NRXN1: variants seen among roughly 807,000 people sequenced by gnomAD.
The protein encoded by NRXN1 is neurexin-1.
A neutral mutation model predicts 150.9 loss-of-function variants in NRXN1; 39 were observed. That is an observed-to-expected ratio of 0.26 (90% confidence interval 0.20 to 0.34). NRXN1 has a LOEUF of 0.34. Among genes scored for constraint, NRXN1 ranks in the 10% least tolerant of loss-of-function variants. NRXN1 has a pLI of 1.00. For missense variants in NRXN1, 1,815 were observed against 1,949.9 expected (o/e 0.93, Z 1.30); for synonymous variants, 924 against 757.0 (o/e 1.22, Z -3.62).
At position 50,620,009 on chromosome 2, in the gene NRXN1, C is replaced by A. The variant is rs774404979; in HGVS notation, c.1320+13G>T. 1 of 1,556,124 alleles carries A rather than the reference C, an allele frequency of 6.4e-7. No individual in the cohort carries two copies. Among genetic ancestry groups the A allele is most frequent in the Non-Finnish European group, 8.7e-7 (1 of 1,148,484 alleles). On this transcript the variant is annotated intron_variant, in intron 8 of 22. Coordinates refer to ENST00000401669, the MANE Select transcript of NRXN1 (RefSeq NM_001330078.2). ...CATGAATTAGGAATGATTCTGATGG[C>A]AACGATATTTACCTCTTTGAGACAG...
At chr2:50,068,050 A>T (rs1353997403) in intron 19 of NRXN1, among the ~76,000 whole-genome samples, 1 of 152,206 alleles carries the variant, frequency 6.6e-6, no homozygotes, top group African/African-American at 2.4e-5. Flanking sequence ...TGTGGCCTAT[A>T]AATGGAACTG....
chr2:50,305,283 C>T lies in NRXN1; in HGVS notation c.3365-68313G>A, dbSNP rs746707001. ...ACTTTTATTTATATAATATTATCCC[C>T]GTAAGGTTTAACCAAGAAGATAAAG... On this transcript the variant is annotated intron_variant, in intron 17 of 22. Transcript: ENST00000401669. Among the ~76,000 whole-genome samples, 19 of 152,044 alleles carry T rather than the reference C, an allele frequency of 1.2e-4. 1 individual carries two copies. The highest frequency in any genetic ancestry group is 4.6e-4 in the Admixed American group (7 of 15,274).
intron 17 of NRXN1, among the ~76,000 whole-genome samples, chr2:50,310,669 G>T (rs1327790326): frequency 6.6e-6 from 1 of 152,080 alleles, no homozygotes; most frequent in African/African-American, 2.4e-5. Flanking sequence ...TGTTATTGGA[G>T]AACATTTAGT....
intron 5 of NRXN1, among the ~76,000 whole-genome samples, chr2:50,679,610 C>G (rs1690068497): frequency 6.6e-6 from 1 of 151,910 alleles, no homozygotes; most frequent in Non-Finnish European, 1.5e-5. Flanking sequence ...CAGTAAGACC[C>G]TGCAAAATAA....
intron 5 of NRXN1, among the ~76,000 whole-genome samples, chr2:50,783,783 T>C (rs1704683028): frequency 3.3e-5 from 5 of 152,248 alleles, no homozygotes; most frequent in Middle Eastern, 3.4e-3. Context: ...TCTGAACCAC[T>C]GGTCCCCCAA....
intron 17 of NRXN1, among the ~76,000 whole-genome samples, chr2:50,401,434 C>A (rs1423575661): frequency 6.6e-6 from 1 of 152,064 alleles, no homozygotes; most frequent in African/African-American, 2.4e-5. Flanking sequence ...GGTTTGATAA[C>A]TGGGGACTTG....
intron 17 of NRXN1, among the ~76,000 whole-genome samples, chr2:50,270,605 T>C (rs1455011374): frequency 6.6e-6 from 1 of 152,128 alleles, no homozygotes; most frequent in Admixed American, 6.6e-5. Context: ...ACACACAGTT[T>C]ATCGACACCG....
chr2:50,087,305 T>A (rs1698924357), intron 19 of NRXN1, among the ~76,000 whole-genome samples: 3 of 152,154 alleles, frequency 2.0e-5, no homozygotes, highest in African/African-American at 7.2e-5. Flanking sequence ...AAATATTTGT[T>A]GATTTAATAT....
intron 21 of NRXN1, among the ~76,000 whole-genome samples, chr2:50,017,431 C>T (rs1686832308): frequency 6.6e-6 from 1 of 152,000 alleles, no homozygotes. Flanking sequence ...ATAAAAGCTA[C>T]AACAAAATAA....
At chr2:50,281,032 C>T (rs1476890111) in intron 17 of NRXN1, among the ~76,000 whole-genome samples, 1 of 151,428 alleles carries the variant, frequency 6.6e-6, no homozygotes, top group Non-Finnish European at 1.5e-5. Flanking sequence ...AGGCCGGGCG[C>T]GGTGGCTCAT....
chr2:50,800,920 T>C (rs927083030), intron 5 of NRXN1, among the ~76,000 whole-genome samples: 10 of 152,332 alleles, frequency 6.6e-5, no homozygotes, highest in Admixed American at 1.3e-4. Flanking sequence ...TATTTTTTAA[T>C]TCTTAAATTG....
chr2:50,904,925 G>A (rs934101341), intron 5 of NRXN1, among the ~76,000 whole-genome samples: 1 of 151,996 alleles, frequency 6.6e-6, no homozygotes, highest in South Asian at 2.1e-4. Context: ...TCTTCAAGTC[G>A]CCTTCAGTTC....
chr2:50,534,096 A>G (rs2093190549), intron 10 of NRXN1, among the ~76,000 whole-genome samples: 1 of 132,760 alleles, frequency 7.5e-6, no homozygotes, highest in Non-Finnish European at 1.5e-5. Context: ...TGAATCAATA[A>G]TTGCACACAC....
chr2:50,215,722 T>C (rs981962650), intron 18 of NRXN1, among the ~76,000 whole-genome samples: 40 of 152,148 alleles, frequency 2.6e-4, no homozygotes, highest in African/African-American at 9.4e-4. Flanking sequence ...ATGATATTAA[T>C]AATAATATTA....
intron 5 of NRXN1, among the ~76,000 whole-genome samples, chr2:50,804,482 A>G (rs1421160962): frequency 6.6e-6 from 1 of 152,184 alleles, no homozygotes; most frequent in Non-Finnish European, 1.5e-5. Context: ...CAAGATTTGA[A>G]GTTGAGTCTC....
intron 19 of NRXN1, among the ~76,000 whole-genome samples, chr2:50,057,758 G>A (rs2152636052): frequency 6.6e-6 from 1 of 152,210 alleles, no homozygotes; most frequent in South Asian, 2.1e-4. Flanking sequence ...AAAAGAAAAA[G>A]AAAGCAAATA....
chr2:50,566,594 T>C (rs1181009113), intron 8 of NRXN1, among the ~76,000 whole-genome samples: 1 of 152,078 alleles, frequency 6.6e-6, no homozygotes, highest in Non-Finnish European at 1.5e-5. Context: ...CAACAGCAAC[T>C]GTCAAGCACC....
intron 5 of NRXN1, among the ~76,000 whole-genome samples, chr2:50,710,086 A>C (rs866340400): frequency 6.6e-6 from 1 of 152,304 alleles, no homozygotes; most frequent in Middle Eastern, 3.4e-3. Flanking sequence ...ATATAAAGAA[A>C]GGTTGAGAGC....
chr2:50,890,887 A>C (rs915305769), intron 5 of NRXN1, among the ~76,000 whole-genome samples: 1 of 151,980 alleles, frequency 6.6e-6, no homozygotes, highest in Non-Finnish European at 1.5e-5. Flanking sequence ...TATTTTCAGT[A>C]ATATCATTAT....
Sources: gnomAD v4.1 joint callset for allele counts (sites outside exome capture counted in the v4.1 genomes callset) on GRCh38, gnomAD v4.1.1 for gene constraint, MANE v1.5 for transcripts, NCBI Gene and HGNC (gene_info 2026-07-23, HGNC 2026-07-21) for gene names.